Variants in GSDME observed in about 807,000 individuals in gnomAD.
GSDME encodes the protein gasdermin E, also known as gasdermin-E.
A neutral mutation model predicts 47.5 loss-of-function variants in GSDME; 44 were observed. That is an observed-to-expected ratio of 0.93 (90% CI 0.73 to 1.19). The LOEUF (loss-of-function observed/expected upper bound fraction) is 1.19. Ranked by LOEUF, GSDME falls within the 50% of genes most tolerant of loss-of-function variation. The probability of loss-of-function intolerance (pLI) is 0.00; values close to 1 mark genes in which losing one functional copy is unlikely to be tolerated. For synonymous variants in GSDME, 258 were observed against 252.8 expected (o/e 1.02, Z -0.20); for missense variants, 663 against 604.2 (o/e 1.10, Z -1.02).
chr7:24,748,098 C>A (rs529976657), intron 2 of GSDME, among the ~76,000 whole-genome samples: 1 of 148,652 alleles, frequency 6.7e-6, no homozygotes, highest in East Asian at 1.9e-4. Flanking sequence ...TTTATTTAAA[C>A]TTAATGTTAA....
the GSDME span, among the ~76,000 whole-genome samples, chr7:24,775,217 TA>T: frequency 4.9e-4 from 74 of 152,314 alleles, no homozygotes; most frequent in African/African-American, 1.8e-3. Flanking sequence ...AACTCTATCG[TA>T]AGTCTAGGAA....
At chr7:24,748,534 A>G (rs1790752583) in intron 2 of GSDME, among the ~76,000 whole-genome samples, 1 of 152,238 alleles carries the variant, frequency 6.6e-6, no homozygotes, top group Non-Finnish European at 1.5e-5. Flanking sequence ...GTCAACGGGA[A>G]TTAACACATG....
intron 5 of GSDME, 133 bp downstream of exon 5, chr7:24,717,121 A>G (rs545066862): frequency 9.8e-7 from 1 of 1,020,466 alleles, no homozygotes; most frequent in East Asian, 2.6e-5. Flanking sequence ...GGGACAATCT[A>G]CGCTCTTCAG....
At chr7:24,734,851 A>G (rs1205605109) in intron 3 of GSDME, among the ~76,000 whole-genome samples, 1 of 152,236 alleles carries the variant, frequency 6.6e-6, no homozygotes, top group Non-Finnish European at 1.5e-5. Context: ...CTTAAAGAGG[A>G]AGGAGAGAAA....
chr7:24,740,305 G>C (rs1166860145), intron 3 of GSDME, among the ~76,000 whole-genome samples: 3 of 151,904 alleles, frequency 2.0e-5, no homozygotes, highest in African/African-American at 7.3e-5. Context: ...AGAGTGGTAG[G>C]GGGATGCGAG....
chr7:24,711,088 G>A (rs1239326144), intron 5 of GSDME, among the ~76,000 whole-genome samples: 2 of 152,124 alleles, frequency 1.3e-5, no homozygotes, highest in African/African-American at 4.8e-5. Flanking sequence ...AGGAGAGGAA[G>A]GAGATGGTGA....
chr7:24,769,314 C>T, the GSDME span, among the ~76,000 whole-genome samples: 5 of 152,222 alleles, frequency 3.3e-5, no homozygotes, highest in African/African-American at 1.2e-4. Context: ...AAACTCTCTA[C>T]ACTTCTGTGA....
chr7:24,735,744 G>A lies in GSDME; in HGVS notation c.404+8818C>T, dbSNP rs986736032. 4.7e-5 allele frequency among the ~76,000 whole-genome samples: 7 copies of A among 148,046 alleles called. No homozygotes were observed. Among genetic ancestry groups the A allele is most frequent in the Admixed American group, 3.4e-4 (5 of 14,654 alleles). ...CTGCACTCCAGCCTGGGTGACAACA[G>A]CAAAACTCTATCTCAAAAATAAATA... On this transcript the variant is annotated intron_variant, in intron 3 of 9. Transcript: ENST00000645220. This position sits in a 1 kb window ranked among gnomAD's most constrained non-coding sequence, Gnocchi z 4.4.
At chr7:24,704,085 C>G (rs1407791102) in intron 8 of GSDME, 1 of 152,240 alleles carries the variant, frequency 6.6e-6, no homozygotes, top group African/African-American at 2.4e-5. Context: ...AATGAAAGAA[C>G]AGCATCTGCA....
At chr7:24,761,782 A>G (rs1475592332), upstream of GSDME, among the ~76,000 whole-genome samples, 3 of 152,220 alleles carry the variant, frequency 2.0e-5, no homozygotes, top group Admixed American at 6.5e-5. This position sits in a 1 kb window ranked among gnomAD's most constrained non-coding sequence, Gnocchi z 4.4. Flanking sequence ...AATGTTCAAG[A>G]AAAAGAAACA....
chr7:24,716,986 A>G lies in GSDME; in HGVS notation c.697+268T>C. ...GGTTGATGCCCAGAGGACACAGCCC[A>G]GCCCTCTACTGTGCTGGTGGAACTT... On this transcript the variant is annotated intron_variant, in intron 5 of 9. Coordinates refer to ENST00000645220, the MANE Select transcript of GSDME (RefSeq NM_001127453.2). The surrounding 1 kb of genome is among the most constrained non-coding windows in gnomAD (Gnocchi z 4.5). The G allele has an allele frequency of 2.1e-6, 1 of 487,196 alleles. No homozygotes were observed. Among genetic ancestry groups the G allele is most frequent in the Middle Eastern group, 3.0e-4 (1 of 3,320 alleles). The allele number at this position is 487,196 out of a possible 1,614,324, so 30.2% of individuals were successfully genotyped here. A position where few individuals can be genotyped will look rare whatever the true frequency, so the allele number is the denominator to read the frequency against.
chr7:24,764,128 T>C, the GSDME span, among the ~76,000 whole-genome samples: 1 of 152,224 alleles, frequency 6.6e-6, no homozygotes, highest in Admixed American at 6.5e-5. This position sits in a 1 kb window ranked among gnomAD's most constrained non-coding sequence, Gnocchi z 4.4. Flanking sequence ...AGTATGAGAA[T>C]TGTGTACACA....
In GSDME at chr7:24,739,958, T is replaced by C. The variant is rs1790434356; in HGVS notation, c.404+4604A>G. Reference sequence around the variant, plus strand: ...AAATACAAAAATTAGCCAGGTTTGGTGATGGGTGCCTGTAATCCCAGCTAC... The same window carrying C: ...AAATACAAAAATTAGCCAGGTTTGGCGATGGGTGCCTGTAATCCCAGCTAC... On this transcript the variant is annotated intron_variant, in intron 3 of 9. Transcript: ENST00000645220. The surrounding 1 kb of genome is among the most constrained non-coding windows in gnomAD (Gnocchi z 5.1). Among the ~76,000 whole-genome samples the C allele has an allele frequency of 6.6e-6, 1 of 151,940 alleles. No homozygotes were observed. The highest frequency in any genetic ancestry group is 1.5e-5 in the Non-Finnish European group (1 of 68,000).
At chr7:24,706,850 G>A (rs757864970) in intron 7 of GSDME, among the ~76,000 whole-genome samples, 62 of 140,774 alleles carry the variant, frequency 4.4e-4, no homozygotes, top group Non-Finnish European at 9.3e-4. Flanking sequence ...GGACCACCCC[G>A]CCAATTCTGC....
chr7:24,758,568 C>A (rs1791110738), upstream of GSDME, among the ~76,000 whole-genome samples: 1 of 152,188 alleles, frequency 6.6e-6, no homozygotes, highest in Admixed American at 6.5e-5. The surrounding 1 kb of genome is among the most constrained non-coding windows in gnomAD (Gnocchi z 4.6). Flanking sequence ...AGAGCTCACA[C>A]AGTATGGAGT....
intron 2 of GSDME, among the ~76,000 whole-genome samples, chr7:24,748,159 TA>T (rs1465927696): frequency 0.094 from 11,114 of 118,210 alleles, 622 homozygotes; most frequent in African/African-American, 0.2. Flanking sequence ...TATATATATA[TA>T]TATATATATT....
rs1216610230 is a variant in GSDME, at chr7:24,721,010, T to C, written c.405-1792A>G. 6.6e-6 allele frequency among the ~76,000 whole-genome samples: 1 copy of C among 152,000 alleles called. No homozygotes were observed. Among genetic ancestry groups the C allele is most frequent in the African/African-American group, 2.4e-5 (1 of 41,368 alleles). ...ACACTCCAGGGACAAATGAGCAATA[T>C]TGTGTGGTTCCTCATATGAAATATC... is the stretch of plus-strand genomic sequence containing the variant. On this transcript the variant is annotated intron_variant, in intron 3 of 9. Coordinates refer to ENST00000645220, the MANE Select transcript of GSDME (RefSeq NM_001127453.2). This position sits in a 1 kb window ranked among gnomAD's most constrained non-coding sequence, Gnocchi z 4.1.
the GSDME span, among the ~76,000 whole-genome samples, chr7:24,774,387 G>A: frequency 4.8e-5 from 7 of 145,072 alleles, no homozygotes; most frequent in East Asian, 4.0e-4. Context: ...TTAAGCCCTC[G>A]AAGAAGGCCC....
rs77276759 is a variant in GSDME at position 24,698,520 on chromosome 7, AT to A, written c.*505del. On this transcript the variant is annotated 3_prime_UTR_variant, in exon 10 of 10. Coordinates refer to ENST00000645220, the MANE Select transcript of GSDME (RefSeq NM_001127453.2). ...TACTGTTAGATTTTTTTGAAGTTTA[AT>A]TTTGTTCAGCAGAGGAATATACTCT... 8,549 of 186,362 alleles carry A rather than the reference AT, an allele frequency of 0.046. 549 individuals carry two copies. Among genetic ancestry groups the A allele is most frequent in the East Asian group, 0.18 (1,208 of 6,764 alleles). 11.5% of individuals were successfully genotyped at this position (186,362 alleles called of 1,614,324 possible).
Sources: allele counts gnomAD v4.1 joint callset (sites outside exome capture counted in the v4.1 genomes callset), GRCh38; gene constraint gnomAD v4.1.1; non-coding constraint Gnocchi (gnomAD v3.1); transcripts MANE v1.5; gene names NCBI Gene and HGNC (gene_info 2026-07-23, HGNC 2026-07-21).